TG: variants seen among roughly 807,000 people sequenced by gnomAD.
TG encodes thyroid hormones.
A neutral mutation model predicts 324.7 loss-of-function variants in TG; 270 were observed. The observed-to-expected ratio is 0.83, with a 90% CI of 0.75 to 0.92. The LOEUF (loss-of-function observed/expected upper bound fraction) is 0.92, where lower values mean the gene tolerates loss of function less well. TG is among the 40% of genes least tolerant of loss of function. The pLI, the probability that TG is intolerant of heterozygous loss-of-function variation, is 0.00. For missense variants in TG, 3,591 were observed against 3,456.4 expected, an observed-to-expected ratio of 1.04 and a Z score of -0.98; for synonymous variants, 1,401 against 1,327.0, an observed-to-expected ratio of 1.06 and a Z score of -1.21.
intron 21 of TG, among the ~76,000 whole-genome samples, chr8:132,922,079 C>G (rs1017433622): frequency 7.9e-5 from 12 of 152,258 alleles, no homozygotes; most frequent in African/African-American, 2.4e-4. Context: ...TTAAATAAAA[C>G]AAGTAATGAT....
intron 16 of TG, among the ~76,000 whole-genome samples, chr8:132,902,740 T>A (rs954101153): frequency 6.6e-6 from 1 of 152,096 alleles, no homozygotes; most frequent in Non-Finnish European, 1.5e-5. Context: ...CATCTAGGAG[T>A]GGTCTGCACT....
chr8:132,976,798 T>C (rs1830230662), intron 34 of TG, among the ~76,000 whole-genome samples: 1 of 152,186 alleles, frequency 6.6e-6, no homozygotes, highest in Non-Finnish European at 1.5e-5. Context: ...TGTGTTGACA[T>C]GGTGTGATTT....
intron 34 of TG, among the ~76,000 whole-genome samples, chr8:132,980,055 A>G (rs1171732823): frequency 1.3e-5 from 2 of 152,096 alleles, no homozygotes; most frequent in African/African-American, 4.8e-5. Context: ...GAAACAGCCA[A>G]AAGGAAGGGG....
chr8:132,949,052 C>CT, intron 27 of TG, 109 bp downstream of exon 27: 34 of 891,876 alleles, frequency 3.8e-5, no homozygotes, highest in African/African-American at 6.3e-5. Context: ...GCTTATACTT[C>CT]TGAAAAAAAA....
intron 3 of TG, 36 bp from the exon 4 acceptor site, chr8:132,871,312 T>A (rs1839460144): frequency 1.2e-6 from 2 of 1,609,682 alleles, no homozygotes. Flanking sequence ...GAAATTTCCC[T>A]GCAGTTCTAT....
At chr8:133,131,774 C>T (rs760872309) in intron 45 of TG, 38 bp from the exon 46 acceptor site, 1 of 1,613,558 alleles carries the variant, frequency 6.2e-7, no homozygotes, top group Non-Finnish European at 8.5e-7. Flanking sequence ...TTTACTTTCT[C>T]TTGACCTTTT....
intron 23 of TG, among the ~76,000 whole-genome samples, chr8:132,932,188 G>C (rs1365225502): frequency 1.3e-5 from 2 of 152,068 alleles, no homozygotes; most frequent in African/African-American, 2.4e-5. Flanking sequence ...ACCTCTCAGT[G>C]CCTAGTTCAT....
At chr8:133,063,741 C>CA in intron 41 of TG, 1 of 152,184 alleles carries the variant, frequency 6.6e-6, no homozygotes, top group Admixed American at 6.5e-5. Context: ...ATATGACCAC[C>CA]AAAAAAACCA....
At chr8:133,054,891 C>A (rs1185251196) in intron 41 of TG, among the ~76,000 whole-genome samples, 1 of 152,138 alleles carries the variant, frequency 6.6e-6, no homozygotes, top group Non-Finnish European at 1.5e-5. Context: ...GCTGCATGAC[C>A]ATTTCTTTTT....
At chr8:133,095,351 C>G (rs1848247385) in intron 42 of TG, 143 bp downstream of exon 42, 1 of 1,161,948 alleles carries the variant, frequency 8.6e-7, no homozygotes, top group Non-Finnish European at 1.3e-6. Flanking sequence ...CTCACATTCC[C>G]TAGCCCCTAG....
chr8:133,057,767 C>CA (rs1259442790), intron 41 of TG, among the ~76,000 whole-genome samples: 4 of 91,702 alleles, frequency 4.4e-5, no homozygotes, highest in African/African-American at 3.5e-5. Context: ...TTTAGCAAAA[C>CA]AAAAAACAAA....
intron 39 of TG, among the ~76,000 whole-genome samples, chr8:133,020,085 T>C (rs1371529476): frequency 3.3e-5 from 5 of 152,224 alleles, no homozygotes; most frequent in African/African-American, 1.2e-4. Context: ...AGAGATATAT[T>C]TACCCTTATC....
At chr8:132,952,325 G>A (rs138479272) in intron 27 of TG, among the ~76,000 whole-genome samples, 1 of 152,318 alleles carries the variant, frequency 6.6e-6, no homozygotes, top group Non-Finnish European at 1.5e-5. Context: ...CTGGGATTGA[G>A]CCTGGCTTTT....
At chr8:132,920,402 A>T (rs541376214) in intron 21 of TG, among the ~76,000 whole-genome samples, 1 of 152,216 alleles carries the variant, frequency 6.6e-6, no homozygotes, top group African/African-American at 2.4e-5. Context: ...TTCTTTGCTC[A>T]GGGCAGTTTC....
At chr8:132,884,743 G>A (rs928067419) in intron 8 of TG, among the ~76,000 whole-genome samples, 6 of 152,168 alleles carry the variant, frequency 3.9e-5, no homozygotes, top group African/African-American at 1.4e-4. Flanking sequence ...TCTATCAAGT[G>A]CATAGATAGA....
At chr8:132,906,237 G>A (rs1818659204) in intron 16 of TG, among the ~76,000 whole-genome samples, 2 of 152,074 alleles carry the variant, frequency 1.3e-5, no homozygotes, top group Admixed American at 1.3e-4. Flanking sequence ...AGACAGAGGA[G>A]ATGAACCCTG....
intron 22 of TG, among the ~76,000 whole-genome samples, chr8:132,926,732 A>G (rs1821918735): frequency 6.6e-6 from 1 of 152,140 alleles, no homozygotes. Flanking sequence ...GTTACCATAT[A>G]CCATATACCA....
chr8:132,982,854 G>A (rs868807146), intron 34 of TG, among the ~76,000 whole-genome samples: 1 of 152,164 alleles, frequency 6.6e-6, no homozygotes, highest in African/African-American at 2.4e-5. Flanking sequence ...TTTCCCACAC[G>A]TTTCGACTCT....
intron 17 of TG, 50 bp downstream of exon 17, chr8:132,906,950 A>G (rs1380372900): frequency 1.3e-6 from 2 of 1,554,564 alleles, no homozygotes; most frequent in Non-Finnish European, 1.7e-6. Context: ...TCTCAGGGCT[A>G]GGGCTGGGAC....
Sources: gnomAD v4.1 joint callset for allele counts (sites outside exome capture counted in the v4.1 genomes callset) on GRCh38, gnomAD v4.1.1 for gene constraint, MANE v1.5 for transcripts, NCBI Gene and HGNC (gene_info 2026-07-23, HGNC 2026-07-21) for gene names.